GBF1: variants seen among roughly 807,000 people sequenced by gnomAD.
GBF1 encodes the protein golgi brefeldin A resistant guanine nucleotide exchange factor 1.
A neutral mutation model predicts 210.5 loss-of-function variants in GBF1; 114 were observed. The ratio of observed to expected loss-of-function variants is 0.54; its 90% CI spans 0.47 to 0.63. The LOEUF is 0.63. Ranked by LOEUF, GBF1 falls within the 30% of genes least tolerant of loss-of-function variation. The pLI is 0.00. For synonymous variants in GBF1, 850 were observed against 889.2 expected, an observed-to-expected ratio of 0.96 and a Z score of 0.78; for missense variants, 1,851 against 2,357.7, an observed-to-expected ratio of 0.79 and a Z score of 4.45.
chr10:102,237,976 G>C, the GBF1 span, among the ~76,000 whole-genome samples: 1 of 152,032 alleles, frequency 6.6e-6, no homozygotes, highest in Non-Finnish European at 1.5e-5. Context: ...GCATCTTTGT[G>C]ACCTTTATTT....
rs749264182 is a variant in GBF1, at chr10:102,375,413, G to A, written c.3715G>A (p.Val1239Ile). 2 of 1,613,964 alleles carry A rather than the reference G, an allele frequency of 1.2e-6. No individual in the cohort carries two copies. Among genetic ancestry groups the A allele is most frequent in the Non-Finnish European group, 1.7e-6 (2 of 1,179,902 alleles). Residue 1239 changes from valine to isoleucine, a missense_variant, in exon 30 of 40, where the codon GTC becomes ATC. Val to Ile is a conservative substitution (Grantham distance 29). Around this residue, in one of 3 missense-constraint regions of GBF1, gnomAD observed 967 missense variants for 1,247.7 expected, o/e 0.78. Coordinates refer to ENST00000369983, the MANE Select transcript of GBF1 (RefSeq NM_001377137.1). ...LLMKPSVLSR[V>I]SHQVAYGLHE... ...GATGAAGCCCAGTGTGCTATCCCGAGTCAGCCACCAGGTTGCGTATGGGCT... is the reference window on the plus strand; with the variant it reads ...GATGAAGCCCAGTGTGCTATCCCGAATCAGCCACCAGGTTGCGTATGGGCT...
At chr10:102,361,950 A>C (rs2059626539) in intron 14 of GBF1, 38 bp downstream of exon 14, 1 of 1,300,368 alleles carries the variant, frequency 7.7e-7, no homozygotes, top group Non-Finnish European at 1.1e-6. Flanking sequence ...GAAAAAACGC[A>C]TTATAAAGGA....
At chr10:102,281,688 CCT>C (rs974181517) in intron 3 of GBF1, among the ~76,000 whole-genome samples, 15 of 150,972 alleles carry the variant, frequency 9.9e-5, no homozygotes, top group African/African-American at 2.4e-4. Flanking sequence ...CCCAGTTTCC[CCT>C]GTTATTAACA....
chr10:102,310,059 A>G (rs1237241300), intron 3 of GBF1, among the ~76,000 whole-genome samples: 1 of 152,208 alleles, frequency 6.6e-6, no homozygotes, highest in African/African-American at 2.4e-5. Context: ...ATGGAACTGG[A>G]AAGAAGCCAT....
intron 3 of GBF1, among the ~76,000 whole-genome samples, chr10:102,304,863 C>T (rs1011308880): frequency 1.3e-5 from 2 of 151,280 alleles, no homozygotes; most frequent in Non-Finnish European, 2.9e-5. Context: ...AAATTTTATA[C>T]AAGCCGGGTG....
At chr10:102,230,643 A>G in the GBF1 span, 2 of 1,604,174 alleles carry the variant, frequency 1.2e-6, no homozygotes, top group Non-Finnish European at 1.7e-6. Flanking sequence ...GGCTCGAGTT[A>G]CACGGGTCCC....
intron 17 of GBF1, among the ~76,000 whole-genome samples, chr10:102,364,242 T>TC (rs1491135646): frequency 6.9e-6 from 1 of 144,332 alleles, no homozygotes; most frequent in Non-Finnish European, 1.5e-5. Context: ...TTTTTTTTTT[T>TC]CAGACGGAGT....
intron 3 of GBF1, among the ~76,000 whole-genome samples, chr10:102,263,139 A>G (rs1230739122): frequency 6.6e-6 from 1 of 152,216 alleles, no homozygotes; most frequent in East Asian, 1.9e-4. Context: ...TCCCAGGAGC[A>G]GGTTTATGGG....
rs2059675219 is a variant in GBF1, at chr10:102,362,513, C to T, written c.1725C>T (p.His575=). Residue 575 remains histidine (H), a synonymous_variant, in exon 15 of 40, where the codon CAC becomes CAT. Coordinates refer to ENST00000369983, the MANE Select transcript of GBF1 (RefSeq NM_001377137.1). Reference sequence around the variant, plus strand: ...TGTCTGGTCAACTCTATACAACACACCTACTATCTCTTGATGCCCTATTGA... The same window carrying T: ...TGTCTGGTCAACTCTATACAACACATCTACTATCTCTTGATGCCCTATTGA... ...FPVSGQLYTT[H]LLSLDALLTV... is the part of the protein sequence containing the mutation. 6.2e-7 allele frequency: 1 copy of T among 1,613,816 alleles called. No homozygotes were observed. The highest frequency in any genetic ancestry group is 2.2e-5 in the East Asian group (1 of 44,904).
intron 33 of GBF1, among the ~76,000 whole-genome samples, chr10:102,379,036 G>A (rs548265891): frequency 1.3e-5 from 2 of 152,354 alleles, no homozygotes; most frequent in African/African-American, 4.8e-5. Context: ...TAAGGATTGT[G>A]AAATACTCAG....
intron 3 of GBF1, among the ~76,000 whole-genome samples, chr10:102,323,969 C>T (rs1039385077): frequency 1.3e-5 from 2 of 152,144 alleles, no homozygotes; most frequent in African/African-American, 4.8e-5. Flanking sequence ...GCCTTCCCCT[C>T]TTTTCCCCAG....
chr10:102,361,188 G>A, intron 13 of GBF1, 68 bp downstream of exon 13: 1 of 845,048 alleles, frequency 1.2e-6, no homozygotes, highest in South Asian at 1.3e-5. Flanking sequence ...CTTCAGTGGG[G>A]CCAGCTCTAT....
rs115844814 is a variant in GBF1 at position 102,248,964 on chromosome 10, C to T, written c.-11+3183C>T. Among the ~76,000 whole-genome samples the T allele has an allele frequency of 3.0e-3, 462 of 152,286 alleles. 2 individuals are homozygous for T. Among genetic ancestry groups the T allele is most frequent in the African/African-American group, 0.01 (435 of 41,550 alleles). On this transcript the variant is annotated intron_variant, in intron 1 of 39. Coordinates refer to ENST00000369983, the MANE Select transcript of GBF1 (RefSeq NM_001377137.1). Reference sequence around the variant, plus strand: ...CCTTTATTTAGAAGAGCCAACTGCTCCTTTTTCAGCAGATTGTTACTGTTT... The same window carrying T: ...CCTTTATTTAGAAGAGCCAACTGCTTCTTTTTCAGCAGATTGTTACTGTTT...
rs368423984 is a variant in GBF1, at chr10:102,365,502, G to T, written c.2212G>T (p.Ala738Ser). ...CATCCCAATGGACAACACAGAGGTT[G>T]CTCAGTGGCTCCGAGAGAACCCTCG... is the stretch of plus-strand genomic sequence containing the variant. Reference protein sequence around the residue: ...LTIPMDNTEVAQWLRENPRLD... With the variant: ...LTIPMDNTEVSQWLRENPRLD... Residue 738 changes from alanine to serine, a missense_variant, in exon 18 of 40, where the codon GCT becomes TCT. Coordinates refer to ENST00000369983, the MANE Select transcript of GBF1 (RefSeq NM_001377137.1). 3 of 1,613,986 alleles carry T rather than the reference G, an allele frequency of 1.9e-6. No individual in the cohort carries two copies. Among genetic ancestry groups the T allele is most frequent in the Admixed American group, 1.7e-5 (1 of 60,004 alleles).
At chr10:102,252,920 T>C (rs11191245) in intron 1 of GBF1, among the ~76,000 whole-genome samples, 101,998 of 151,852 alleles carry the variant, frequency 0.67, 34,881 homozygotes, top group African/African-American at 0.81. Context: ...TTTGAGCCGG[T>C]GTCTTGCTCT....
At chr10:102,337,772 G>A (rs754612558) in intron 3 of GBF1, among the ~76,000 whole-genome samples, 2 of 151,938 alleles carry the variant, frequency 1.3e-5, no homozygotes, top group Admixed American at 6.6e-5. Context: ...CAGGAGAATC[G>A]CTTGAACCCA....
intron 3 of GBF1, among the ~76,000 whole-genome samples, chr10:102,304,889 G>A (rs551337352): frequency 6.6e-6 from 1 of 151,928 alleles, no homozygotes; most frequent in South Asian, 2.1e-4. Flanking sequence ...GTGCAAGCCT[G>A]TAGTCCCAGC....
upstream of GBF1, among the ~76,000 whole-genome samples, chr10:102,244,680 G>A (rs1267401622): frequency 6.6e-6 from 1 of 152,142 alleles, no homozygotes; most frequent in Non-Finnish European, 1.5e-5. Context: ...ATGAAAGGCA[G>A]ACCGGGAGTC....
intron 3 of GBF1, among the ~76,000 whole-genome samples, chr10:102,343,693 C>T (rs2058345257): frequency 6.6e-6 from 1 of 151,320 alleles, no homozygotes; most frequent in African/African-American, 2.4e-5. Context: ...TGACAGACGC[C>T]TATAGTCCCA....
Sources: allele counts gnomAD v4.1 joint callset (sites outside exome capture counted in the v4.1 genomes callset), GRCh38; gene constraint gnomAD v4.1.1; regional missense constraint gnomAD v4.1.1; transcripts MANE v1.5; gene names NCBI Gene and HGNC (gene_info 2026-07-23, HGNC 2026-07-21).